CADM2: variants seen among roughly 807,000 people sequenced by gnomAD.
CADM2 encodes immunoglobulin superfamily member 4D.
CADM2 carries 12 observed loss-of-function variants against 49.8 expected under a neutral mutation model. That is an observed-to-expected ratio of 0.24 (90% CI 0.15 to 0.39). The LOEUF is 0.39. CADM2 is among the 10% of genes least tolerant of loss of function. The probability of loss-of-function intolerance (pLI) is 1.00; values close to 1 mark genes in which losing one functional copy is unlikely to be tolerated. For missense variants in CADM2, 378 were observed against 492.3 expected, an observed-to-expected ratio of 0.77 and a Z score of 2.20; for synonymous variants, 214 against 175.4, an observed-to-expected ratio of 1.22 and a Z score of -1.74.
At chr3:85,117,020 C>A (rs1575906258) in intron 1 of CADM2, among the ~76,000 whole-genome samples, 1 of 151,896 alleles carries the variant, frequency 6.6e-6, no homozygotes, top group Non-Finnish European at 1.5e-5. Context: ...CATGATGAAA[C>A]CCCGTCTCTA....
At chr3:85,091,276 C>T (rs1048152123) in intron 1 of CADM2, among the ~76,000 whole-genome samples, 2 of 151,488 alleles carry the variant, frequency 1.3e-5, no homozygotes, top group African/African-American at 4.9e-5. Flanking sequence ...CAAATCTGGA[C>T]GGATCTTCAA....
chr3:85,824,418 AAAC>A (rs1290723100), intron 3 of CADM2, among the ~76,000 whole-genome samples: 1 of 150,618 alleles, frequency 6.6e-6, no homozygotes, highest in Non-Finnish European at 1.5e-5. Context: ...TTTTAAGAAA[AAAC>A]AAAAAAACTC....
intron 1 of CADM2, among the ~76,000 whole-genome samples, chr3:85,268,149 C>T (rs896473196): frequency 6.6e-6 from 1 of 151,352 alleles, no homozygotes; most frequent in Admixed American, 6.6e-5. Context: ...GACAATTGAA[C>T]CGATGTCTTA....
chr3:85,600,332 A>G (rs2063354816), intron 1 of CADM2, among the ~76,000 whole-genome samples: 1 of 151,976 alleles, frequency 6.6e-6, no homozygotes, highest in Non-Finnish European at 1.5e-5. Flanking sequence ...ATAACTTTGT[A>G]AAGTCCATTA....
chr3:85,764,893 GT>G (rs1029888917), intron 2 of CADM2, among the ~76,000 whole-genome samples: 1 of 152,044 alleles, frequency 6.6e-6, no homozygotes, highest in African/African-American at 2.4e-5. Context: ...GGTCGGGGAA[GT>G]TAAGTGATTT....
intron 1 of CADM2, among the ~76,000 whole-genome samples, chr3:85,064,406 T>C (rs1413904248): frequency 6.6e-6 from 1 of 152,170 alleles, no homozygotes; most frequent in Non-Finnish European, 1.5e-5. Context: ...TTTCCCTTTT[T>C]GTGATCTTCT....
At chr3:85,374,012 A>T (rs1242794080) in intron 1 of CADM2, among the ~76,000 whole-genome samples, 1 of 152,174 alleles carries the variant, frequency 6.6e-6, no homozygotes, top group African/African-American at 2.4e-5. Context: ...CCTTGGTGAT[A>T]ACATTTGGCT....
intron 1 of CADM2, among the ~76,000 whole-genome samples, chr3:85,024,170 A>G (rs942579469): frequency 6.6e-6 from 1 of 152,124 alleles, no homozygotes. Context: ...AAAGCCACAA[A>G]TATCTCGCAA....
At chr3:85,571,827 C>T (rs539380089) in intron 1 of CADM2, among the ~76,000 whole-genome samples, 6 of 152,298 alleles carry the variant, frequency 3.9e-5, no homozygotes, top group African/African-American at 1.4e-4. Flanking sequence ...TGGTATTGAA[C>T]ATACATACAT....
chr3:85,989,602 A>G (rs532728135), intron 8 of CADM2, among the ~76,000 whole-genome samples: 2 of 152,276 alleles, frequency 1.3e-5, no homozygotes, highest in African/African-American at 4.8e-5. Context: ...AGAAGGAAGA[A>G]CAGAGATACG....
intron 1 of CADM2, among the ~76,000 whole-genome samples, chr3:85,117,094 G>A (rs564301549): frequency 8.6e-5 from 13 of 152,008 alleles, no homozygotes; most frequent in Non-Finnish European, 1.9e-4. Flanking sequence ...GGTGGCACAC[G>A]CCTGTAATCC....
At chr3:85,374,075 G>A (rs1041954870) in intron 1 of CADM2, among the ~76,000 whole-genome samples, 1 of 148,954 alleles carries the variant, frequency 6.7e-6, no homozygotes, top group Non-Finnish European at 1.5e-5. Context: ...CTCAGAAAAT[G>A]TTTTTTTTTT....
At chr3:85,353,118 G>T (rs569813601) in intron 1 of CADM2, among the ~76,000 whole-genome samples, 1 of 152,168 alleles carries the variant, frequency 6.6e-6, no homozygotes, top group African/African-American at 2.4e-5. Context: ...TTGCAGCTTG[G>T]ATTATTTTTT....
At chr3:85,529,014 G>C (rs115496717) in intron 1 of CADM2, among the ~76,000 whole-genome samples, 1 of 152,124 alleles carries the variant, frequency 6.6e-6, no homozygotes, top group African/African-American at 2.4e-5. Flanking sequence ...ACTTTATTTA[G>C]TCATGTAACA....
intron 1 of CADM2, among the ~76,000 whole-genome samples, chr3:85,552,860 TAG>T (rs1321421364): frequency 6.6e-5 from 10 of 151,542 alleles, no homozygotes; most frequent in Non-Finnish European, 1.3e-4. Context: ...GTATTTTTAG[TAG>T]AGACAAGGAT....
intron 8 of CADM2, chr3:86,012,564 C>G: frequency 6.6e-7 from 1 of 1,526,284 alleles, no homozygotes. Context: ...GGCGAAGATG[C>G]CGAACTTCTG....
At chr3:85,736,769 A>C (rs966388246) in intron 2 of CADM2, among the ~76,000 whole-genome samples, 5 of 152,156 alleles carry the variant, frequency 3.3e-5, no homozygotes, top group Admixed American at 2.6e-4. Context: ...TCACACTTTG[A>C]AAAAGATCAC....
chr3:85,683,092 GA>G (rs781139905), intron 1 of CADM2, among the ~76,000 whole-genome samples: 1 of 151,774 alleles, frequency 6.6e-6, no homozygotes, highest in African/African-American at 2.4e-5. Flanking sequence ...GAAATAAAAT[GA>G]AAAAAATAAA....
rs1473161098 is a variant in CADM2 at position 85,979,176 on chromosome 3, C to T, written c.970+17529C>T. On this transcript the variant is annotated intron_variant, in intron 8 of 9. Transcript: ENST00000383699. ...TTCCACTCACCAGATGTTCCCAACA[C>T]TTTGCTTCCCACTACTATCATCCCC... 3.1e-6 allele frequency: 5 copies of T among 1,609,804 alleles called. 1 individual carries two copies. Among genetic ancestry groups the T allele is most frequent in the Non-Finnish European group, 3.4e-6 (4 of 1,177,154 alleles).
Sources: gnomAD v4.1 joint callset for allele counts (sites outside exome capture counted in the v4.1 genomes callset) on GRCh38, gnomAD v4.1.1 for gene constraint, MANE v1.5 for transcripts, NCBI Gene and HGNC (gene_info 2026-07-23, HGNC 2026-07-21) for gene names.